Variants in LMO7 observed in about 807,000 individuals in gnomAD.
The protein encoded by LMO7 is LIM domain only protein 7.
LMO7 carries 120 observed loss-of-function variants against 206.5 expected under a neutral mutation model. That is an observed-to-expected ratio of 0.58 (90% CI 0.50 to 0.68). LMO7 has a LOEUF of 0.68. Ranked by LOEUF, LMO7 falls within the 30% of genes least tolerant of loss-of-function variation. The pLI, the probability that LMO7 is intolerant of heterozygous loss-of-function variation, is 0.00. For missense variants in LMO7, 1,959 were observed against 1,957.9 expected (o/e 1.00, Z -0.01); for synonymous variants, 706 against 681.5 (o/e 1.04, Z -0.56).
intron 11 of LMO7, among the ~76,000 whole-genome samples, chr13:75,814,910 G>A (rs187235264): frequency 6.6e-6 from 1 of 152,326 alleles, no homozygotes. Flanking sequence ...GGGCAGGGAA[G>A]CCAGTTGGCT....
intron 3 of LMO7, among the ~76,000 whole-genome samples, chr13:75,752,164 C>A (rs1482226740): frequency 6.6e-6 from 1 of 151,968 alleles, no homozygotes; most frequent in African/African-American, 2.4e-5. Context: ...CAGAGTCTCC[C>A]TCTGTCACCC....
intron 1 of LMO7, among the ~76,000 whole-genome samples, chr13:75,678,437 C>T (rs1290778521): frequency 6.6e-6 from 1 of 152,198 alleles, no homozygotes; most frequent in Non-Finnish European, 1.5e-5. Context: ...CAAATATCTT[C>T]TTTTGAGAAG....
chr13:75,848,081 A>G (rs1185999947), intron 26 of LMO7, among the ~76,000 whole-genome samples: 1 of 151,750 alleles, frequency 6.6e-6, no homozygotes, highest in Non-Finnish European at 1.5e-5. Context: ...TTTTATTTCC[A>G]TAGGTTTTTG....
chr13:75,685,673 T>C (rs2040911927), intron 1 of LMO7, among the ~76,000 whole-genome samples: 1 of 152,052 alleles, frequency 6.6e-6, no homozygotes, highest in African/African-American at 2.4e-5. Flanking sequence ...TTTGAATGCA[T>C]AGCTCTCTGA....
chr13:75,849,337 C>T, intron 27 of LMO7, 45 bp downstream of exon 27: 1 of 1,432,426 alleles, frequency 7.0e-7, no homozygotes, highest in Non-Finnish European at 9.8e-7. Context: ...TACTGTGAGG[C>T]AGATATTTAA....
At chr13:75,681,718 G>GTATATATATATATATATATA (rs71127572) in intron 1 of LMO7, among the ~76,000 whole-genome samples, 63 of 104,526 alleles carry the variant, frequency 6.0e-4, no homozygotes, top group South Asian at 1.7e-3. Context: ...ATATATATAT[G>GTATATATATATATATATATA]TATATATATA....
At position 75,812,621 on chromosome 13, in the gene LMO7, A is replaced by G. The variant is rs546018154; in HGVS notation, c.1946+3438A>G. On this transcript the variant is annotated intron_variant, in intron 11 of 30. Transcript: ENST00000377534. Reference sequence around the variant, plus strand: ...AAACTAGCCAAAAAGTGACAGGAGCATAGTAGGCAATCTGCATAGTGGGAG... The same window carrying G: ...AAACTAGCCAAAAAGTGACAGGAGCGTAGTAGGCAATCTGCATAGTGGGAG... 3.9e-5 allele frequency among the ~76,000 whole-genome samples: 6 copies of G among 152,308 alleles called. No individual in the cohort carries two copies. The South Asian group carries it at 1.2e-3, about 32-fold the overall frequency.
chr13:75,700,064 C>T (rs917974979), intron 1 of LMO7, among the ~76,000 whole-genome samples: 17 of 152,186 alleles, frequency 1.1e-4, no homozygotes, highest in African/African-American at 4.1e-4. Flanking sequence ...CTCTGTTCTG[C>T]CCGGCCCTGC....
At chr13:75,627,579 C>A (rs2034365556) in intron 2 of LMO7, 1 of 143,528 alleles carries the variant, frequency 7.0e-6, no homozygotes, top group African/African-American at 2.6e-5. Flanking sequence ...GGTGGAAATT[C>A]TTTACCAAAA....
chr13:75,830,283 A>C (rs964359114), intron 15 of LMO7, among the ~76,000 whole-genome samples: 1 of 152,188 alleles, frequency 6.6e-6, no homozygotes, highest in East Asian at 1.9e-4. Flanking sequence ...CAAGACTGCC[A>C]TAAGGGGAAG....
At chr13:75,673,167 A>C (rs2039733696) in intron 1 of LMO7, among the ~76,000 whole-genome samples, 1 of 152,208 alleles carries the variant, frequency 6.6e-6, no homozygotes, top group African/African-American at 2.4e-5. Context: ...AACTGTTGAG[A>C]AGTCTTAGGA....
chr13:75,770,176 GA>G (rs2049439693), intron 4 of LMO7, among the ~76,000 whole-genome samples: 1 of 27,076 alleles, frequency 3.7e-5, no homozygotes, highest in Non-Finnish European at 7.5e-5. Flanking sequence ...TTTTGGTGAT[GA>G]ATTTTTTTTT....
chr13:75,699,639 G>C (rs8000108), intron 1 of LMO7, among the ~76,000 whole-genome samples: 2 of 152,090 alleles, frequency 1.3e-5, no homozygotes, highest in Non-Finnish European at 2.9e-5. Flanking sequence ...CGAATAGGGC[G>C]TGGGTCACAG....
intron 1 of LMO7, among the ~76,000 whole-genome samples, chr13:75,641,033 T>G (rs1422232502): frequency 6.6e-6 from 1 of 152,222 alleles, no homozygotes; most frequent in Non-Finnish European, 1.5e-5. Context: ...CTTGACGGGT[T>G]TATAGATTCA....
At chr13:75,815,084 C>T (rs1218933552) in intron 11 of LMO7, among the ~76,000 whole-genome samples, 1 of 151,976 alleles carries the variant, frequency 6.6e-6, no homozygotes, top group East Asian at 1.9e-4. Context: ...TGAGTGCAGT[C>T]TGAAAGGAAC....
chr13:75,668,596 C>A (rs2039275735), intron 1 of LMO7, among the ~76,000 whole-genome samples: 2 of 152,198 alleles, frequency 1.3e-5, no homozygotes, highest in South Asian at 4.1e-4. Context: ...GCAGTTCCTT[C>A]TTCCACATGT....
intron 1 of LMO7, among the ~76,000 whole-genome samples, chr13:75,711,871 A>G (rs1236170189): frequency 6.6e-6 from 1 of 152,208 alleles, no homozygotes; most frequent in Non-Finnish European, 1.5e-5. Context: ...CCTGTAACAG[A>G]CACTCAGCCT....
At chr13:75,811,545 T>C (rs967307513) in intron 11 of LMO7, among the ~76,000 whole-genome samples, 7 of 152,242 alleles carry the variant, frequency 4.6e-5, no homozygotes, top group African/African-American at 7.2e-5. Flanking sequence ...GAAAAATAAC[T>C]GCCTATAACA....
At chr13:75,746,759 G>A (rs1045607575) in intron 3 of LMO7, among the ~76,000 whole-genome samples, 8 of 151,562 alleles carry the variant, frequency 5.3e-5, no homozygotes, top group Non-Finnish European at 7.4e-5. Context: ...CTCCCTTCAG[G>A]CATCTTTTTT....
Sources: allele counts gnomAD v4.1 joint callset (sites outside exome capture counted in the v4.1 genomes callset), GRCh38; gene constraint gnomAD v4.1.1; transcripts MANE v1.5; gene names NCBI Gene and HGNC (gene_info 2026-07-23, HGNC 2026-07-21).